The following ST8SIA6 variants were observed in gnomAD, a reference collection of about 807,000 sequenced individuals.
ST8SIA6 encodes the protein alpha-2,8-sialyltransferase 8F.
ST8SIA6 carries 39 observed loss-of-function variants against 33.6 expected under a neutral mutation model. The observed-to-expected ratio is 1.16, with a 90% CI of 0.90 to 1.52. The LOEUF (loss-of-function observed/expected upper bound fraction) is 1.52, where lower values mean the gene tolerates loss of function less well. Ranked by LOEUF, ST8SIA6 falls within the 40% of genes most tolerant of loss-of-function variation. The probability of loss-of-function intolerance (pLI) is 0.00; values close to 1 mark genes in which losing one functional copy is unlikely to be tolerated. For synonymous variants in ST8SIA6, 172 were observed against 167.2 expected, an observed-to-expected ratio of 1.03 and a Z score of -0.22; for missense variants, 441 against 443.8, an observed-to-expected ratio of 0.99 and a Z score of 0.06.
intron 3 of ST8SIA6, among the ~76,000 whole-genome samples, chr10:17,388,502 A>AGT (rs1157934496): frequency 6.6e-6 from 1 of 152,148 alleles, no homozygotes; most frequent in African/African-American, 2.4e-5. Flanking sequence ...TAAAAGAAGC[A>AGT]GTGTGTGTGT....
intron 4 of ST8SIA6, among the ~76,000 whole-genome samples, chr10:17,335,960 A>T (rs1382437650): frequency 4.1e-5 from 6 of 147,182 alleles, no homozygotes; most frequent in Non-Finnish European, 7.5e-5. Context: ...TTTTTGCTGA[A>T]TTTTTTTTTT....
At chr10:17,407,094 T>G (rs903394678) in intron 2 of ST8SIA6, among the ~76,000 whole-genome samples, 2 of 152,172 alleles carry the variant, frequency 1.3e-5, no homozygotes, top group African/African-American at 4.8e-5. Flanking sequence ...GTCCGGCTAC[T>G]GAGGGCTAAT....
chr10:17,335,722 T>C (rs1848478142), intron 4 of ST8SIA6, among the ~76,000 whole-genome samples: 1 of 152,184 alleles, frequency 6.6e-6, no homozygotes, highest in South Asian at 2.1e-4. Context: ...TAATTATACA[T>C]TTAATTTGAT....
Position 17,369,687 on chromosome 10 carries a change from C to G in ST8SIA6, c.291-10087G>C, listed in dbSNP as rs186937319. ...TTGAATTATTATTGTTGACTTGTTT[C>G]TCTCTTTGCTTCATGTATTTTGGTG... is the stretch of plus-strand genomic sequence containing the variant. On this transcript the variant is annotated intron_variant, in intron 3 of 7. Coordinates refer to ENST00000377602, the MANE Select transcript of ST8SIA6 (RefSeq NM_001004470.3). Among the ~76,000 whole-genome samples, 334 of 129,754 alleles carry G rather than the reference C, an allele frequency of 2.6e-3. 1 individual carries two copies. Among genetic ancestry groups the G allele is most frequent in the African/African-American group, 7.5e-3 (265 of 35,390 alleles). The allele number at this position is 129,754 out of a possible 152,430, so 85.1% of individuals were successfully genotyped here.
At chr10:17,442,369 T>G (rs540519371) in intron 2 of ST8SIA6, among the ~76,000 whole-genome samples, 4 of 152,180 alleles carry the variant, frequency 2.6e-5, no homozygotes, top group Non-Finnish European at 5.9e-5. Context: ...AATCAAAAAA[T>G]TTATGTGAAC....
intron 4 of ST8SIA6, among the ~76,000 whole-genome samples, chr10:17,335,769 T>G (rs1848479759): frequency 6.6e-6 from 1 of 152,196 alleles, no homozygotes; most frequent in South Asian, 2.1e-4. Context: ...TCAGAAATTC[T>G]TATGCGTATA....
At chr10:17,418,993 CAAAAAAAAAAAAA>C (rs910044275) in intron 2 of ST8SIA6, among the ~76,000 whole-genome samples, 7 of 56,140 alleles carry the variant, frequency 1.2e-4, no homozygotes, top group Admixed American at 1.0e-3. Context: ...GGCTCCATCT[CAAAAAAAAAAAAA>C]AAAAAAAAAG....
intron 2 of ST8SIA6, among the ~76,000 whole-genome samples, chr10:17,421,674 T>A (rs544576248): frequency 2.0e-5 from 3 of 152,216 alleles, no homozygotes; most frequent in African/African-American, 7.2e-5. Context: ...GGGATCCTCC[T>A]GCCTCAGCCT....
intron 3 of ST8SIA6, among the ~76,000 whole-genome samples, chr10:17,379,628 T>C (rs1444476860): frequency 6.6e-6 from 1 of 152,200 alleles, no homozygotes; most frequent in African/African-American, 2.4e-5. Flanking sequence ...ATCTGCGACC[T>C]GGAAGTTCCC....
At chr10:17,327,801 G>A (rs1159482208) in intron 5 of ST8SIA6, among the ~76,000 whole-genome samples, 1 of 151,712 alleles carries the variant, frequency 6.6e-6, no homozygotes, top group Non-Finnish European at 1.5e-5. Context: ...TTGCTGCTTG[G>A]GAGGCTGAGG....
intron 3 of ST8SIA6, among the ~76,000 whole-genome samples, chr10:17,385,237 C>T (rs1423232814): frequency 6.6e-6 from 1 of 152,156 alleles, no homozygotes; most frequent in Non-Finnish European, 1.5e-5. Context: ...TCATCAGAAA[C>T]TCAAAAGAAT....
At chr10:17,361,174 A>AT (rs1431621634) in intron 3 of ST8SIA6, among the ~76,000 whole-genome samples, 1 of 152,116 alleles carries the variant, frequency 6.6e-6, no homozygotes, top group Non-Finnish European at 1.5e-5. Context: ...GAAAAATGAG[A>AT]TTAGAGTAGA....
intron 2 of ST8SIA6, 44 bp from the exon 3 acceptor site, chr10:17,390,664 G>A (rs1309376133): frequency 2.0e-6 from 3 of 1,476,930 alleles, no homozygotes; most frequent in Non-Finnish European, 2.8e-6. Context: ...TTTAAAATGA[G>A]AGCTTATAAG....
intron 4 of ST8SIA6, 85 bp from the exon 5 acceptor site, chr10:17,331,637 G>A: frequency 7.3e-7 from 1 of 1,360,792 alleles, no homozygotes. Context: ...TGCCGAAGAG[G>A]ATTTTGCCAA....
chr10:17,351,100 C>T (rs1000460041), intron 4 of ST8SIA6, among the ~76,000 whole-genome samples: 1 of 151,974 alleles, frequency 6.6e-6, no homozygotes, highest in African/African-American at 2.4e-5. Context: ...TGTTCCCTGC[C>T]CCCACCCCAG....
chr10:17,436,221 G>A (rs909050953), intron 2 of ST8SIA6, among the ~76,000 whole-genome samples: 2 of 152,092 alleles, frequency 1.3e-5, no homozygotes, highest in African/African-American at 4.8e-5. Context: ...CTCCAATATT[G>A]TTTGGCTGTG....
At chr10:17,346,730 T>C (rs563362059) in intron 4 of ST8SIA6, among the ~76,000 whole-genome samples, 1 of 152,332 alleles carries the variant, frequency 6.6e-6, no homozygotes, top group South Asian at 2.1e-4. Context: ...ATAACCAACA[T>C]GCCAGTTAAG....
intron 2 of ST8SIA6, among the ~76,000 whole-genome samples, chr10:17,397,146 C>T (rs890078844): frequency 1.3e-5 from 2 of 151,956 alleles, no homozygotes; most frequent in Admixed American, 1.3e-4. Context: ...TGCTGGCTTC[C>T]TGTAAACATC....
intron 3 of ST8SIA6, among the ~76,000 whole-genome samples, chr10:17,378,298 C>T (rs1438680068): frequency 6.6e-6 from 1 of 152,200 alleles, no homozygotes; most frequent in Non-Finnish European, 1.5e-5. Context: ...CATCCTCGCT[C>T]ACTCAGGTGT....
Sources: allele counts gnomAD v4.1 joint callset (sites outside exome capture counted in the v4.1 genomes callset), GRCh38; gene constraint gnomAD v4.1.1; transcripts MANE v1.5; gene names NCBI Gene and HGNC (gene_info 2026-07-23, HGNC 2026-07-21).